Variants in EYS observed in about 807,000 individuals in gnomAD.
The protein encoded by EYS is protein eyes shut homolog.
A neutral mutation model predicts 282.1 loss-of-function variants in EYS; 250 were observed. The ratio of observed to expected loss-of-function variants is 0.89; its 90% CI spans 0.80 to 0.98. The LOEUF (loss-of-function observed/expected upper bound fraction) is 0.98. Ranked by LOEUF, EYS falls within the 50% of genes least tolerant of loss-of-function variation. The pLI is 0.00. For synonymous variants in EYS, 1,355 were observed against 1,282.9 expected (o/e 1.06, Z -1.20); for missense variants, 4,016 against 3,709.0 (o/e 1.08, Z -2.15).
chr6:64,367,558 A>AT lies in EYS; in HGVS notation c.6078+21131dup, dbSNP rs201640335. 8.2e-4 allele frequency among the ~76,000 whole-genome samples: 124 copies of AT among 152,098 alleles called. 2 individuals carry two copies. The East Asian group carries it at 0.021, about 26-fold the overall frequency. ...TGTCTAAGAGCCACTCCCAGGGCAT[A>AT]TAGCAAAGTTTCTAAAATAGGAAGT... On this transcript the variant is annotated intron_variant, in intron 29 of 42. Coordinates refer to ENST00000503581, the MANE Select transcript of EYS (RefSeq NM_001142800.2).
At chr6:65,678,603 G>C (rs1208712763) in intron 1 of EYS, among the ~76,000 whole-genome samples, 1 of 151,810 alleles carries the variant, frequency 6.6e-6, no homozygotes, top group Non-Finnish European at 1.5e-5. Context: ...AAACAGACAA[G>C]TGAGACTGTG....
chr6:65,621,716 A>G (rs187126), intron 2 of EYS, among the ~76,000 whole-genome samples: 120,001 of 151,770 alleles, frequency 0.79, 47,496 homozygotes, highest in Middle Eastern at 0.83. Flanking sequence ...CATGTTTAGC[A>G]CTTCCTTCAG....
intron 12 of EYS, among the ~76,000 whole-genome samples, chr6:65,102,882 C>A (rs1292585923): frequency 6.6e-6 from 1 of 151,340 alleles, no homozygotes; most frequent in Non-Finnish European, 1.5e-5. Flanking sequence ...TTAAAGGTGA[C>A]AACATTCATA....
intron 13 of EYS, among the ~76,000 whole-genome samples, chr6:65,045,839 T>A (rs900876290): frequency 2.0e-5 from 3 of 151,950 alleles, no homozygotes; most frequent in African/African-American, 7.2e-5. Flanking sequence ...TAGATGTGTT[T>A]AGAATTTAAC....
At chr6:64,337,388 A>G (rs657050) in intron 29 of EYS, among the ~76,000 whole-genome samples, 114,275 of 151,828 alleles carry the variant, frequency 0.75, 43,608 homozygotes, top group African/African-American at 0.89. Context: ...AGAAGAGATG[A>G]ATAAATTCCT....
intron 9 of EYS, among the ~76,000 whole-genome samples, chr6:65,346,871 A>G (rs1170189473): frequency 6.6e-6 from 1 of 151,890 alleles, no homozygotes; most frequent in Non-Finnish European, 1.5e-5. Context: ...AAGGTTGTCT[A>G]CTATACACAT....
chr6:64,964,588 G>A (rs1770033569), intron 14 of EYS, among the ~76,000 whole-genome samples: 1 of 152,018 alleles, frequency 6.6e-6, no homozygotes, highest in Non-Finnish European at 1.5e-5. Flanking sequence ...TGTCACAGTG[G>A]CGGCACCAGC....
chr6:65,542,325 T>C (rs1324707239), intron 2 of EYS, among the ~76,000 whole-genome samples: 1 of 152,172 alleles, frequency 6.6e-6, no homozygotes, highest in Non-Finnish European at 1.5e-5. Context: ...TTACAAAGTA[T>C]TTTACAATAT....
intron 31 of EYS, among the ~76,000 whole-genome samples, chr6:64,084,793 A>T (rs1012006257): frequency 1.3e-5 from 2 of 152,196 alleles, no homozygotes; most frequent in Non-Finnish European, 2.9e-5. Flanking sequence ...AGTCAGGAAG[A>T]AACCTTTCTA....
chr6:63,918,512 A>G (rs1406760734), intron 35 of EYS, among the ~76,000 whole-genome samples: 1 of 152,186 alleles, frequency 6.6e-6, no homozygotes, highest in Non-Finnish European at 1.5e-5. Context: ...GAGATATTTC[A>G]TTGGCAATAG....
intron 26 of EYS, among the ~76,000 whole-genome samples, chr6:64,529,116 G>A (rs922213294): frequency 6.6e-6 from 1 of 151,878 alleles, no homozygotes; most frequent in Non-Finnish European, 1.5e-5. Context: ...GGAAAACTTA[G>A]GTCAGGATTA....
chr6:63,973,390 T>G (rs1404669564), intron 35 of EYS, among the ~76,000 whole-genome samples: 1 of 152,122 alleles, frequency 6.6e-6, no homozygotes, highest in East Asian at 1.9e-4. Flanking sequence ...TTAAACAAAT[T>G]TACAAGAAGA....
At position 65,618,764 on chromosome 6, in the gene EYS, C is replaced by G. The variant is rs536326850; in HGVS notation, c.-333+21014G>C. Among the ~76,000 whole-genome samples, 189 of 152,256 alleles carry G rather than the reference C, an allele frequency of 1.2e-3. 1 individual carries two copies. The highest frequency in any genetic ancestry group is 4.5e-3 in the African/African-American group (185 of 41,544). On this transcript the variant is annotated intron_variant, in intron 2 of 42. Transcript: ENST00000503581. ...AAGGAAGGGATCCAGTTTCAGCTTTCTACATATGGCTAGCCAGTTTCCCAG... is the reference window on the plus strand; with the variant it reads ...AAGGAAGGGATCCAGTTTCAGCTTTGTACATATGGCTAGCCAGTTTCCCAG...
intron 7 of EYS, among the ~76,000 whole-genome samples, chr6:65,400,712 C>T (rs1478965634): frequency 6.6e-6 from 1 of 151,944 alleles, no homozygotes; most frequent in Non-Finnish European, 1.5e-5. Flanking sequence ...TCTCTCTCAT[C>T]TACCCATATA....
chr6:64,219,383 T>A (rs899444118), intron 31 of EYS, among the ~76,000 whole-genome samples: 5 of 152,324 alleles, frequency 3.3e-5, no homozygotes, highest in African/African-American at 1.2e-4. Context: ...ATTTCAATAG[T>A]CAGTGTTAGA....
chr6:65,125,339 A>AT (rs1183826200), intron 12 of EYS, among the ~76,000 whole-genome samples: 1 of 152,182 alleles, frequency 6.6e-6, no homozygotes, highest in African/African-American at 2.4e-5. Context: ...CCAGTTGCTA[A>AT]GCCCCCATCT....
intron 2 of EYS, among the ~76,000 whole-genome samples, chr6:65,589,972 A>G (rs1320315388): frequency 3.9e-5 from 6 of 152,038 alleles, no homozygotes; most frequent in South Asian, 2.1e-4. Context: ...AATTTAAAAA[A>G]TCATATGCTG....
At chr6:65,515,514 C>A (rs999689452) in intron 2 of EYS, among the ~76,000 whole-genome samples, 1 of 151,510 alleles carries the variant, frequency 6.6e-6, no homozygotes, top group Non-Finnish European at 1.5e-5. Context: ...CGGCACTATT[C>A]ACAATAGCAA....
At chr6:65,331,533 A>G (rs562055739) in intron 11 of EYS, 1 of 962,194 alleles carries the variant, frequency 1.0e-6, no homozygotes, top group East Asian at 1.2e-4. Flanking sequence ...AGTATTAATT[A>G]TGAGACAATA....
Sources: allele counts gnomAD v4.1 joint callset (sites outside exome capture counted in the v4.1 genomes callset), GRCh38; gene constraint gnomAD v4.1.1; transcripts MANE v1.5; gene names NCBI Gene and HGNC (gene_info 2026-07-23, HGNC 2026-07-21).